SLC25A12: variants seen among roughly 807,000 people sequenced by gnomAD.
SLC25A12 encodes the protein solute carrier family 25 member 12.
SLC25A12 carries 32 observed loss-of-function variants against 83.3 expected under a neutral mutation model. The ratio of observed to expected loss-of-function variants is 0.38; its 90% CI spans 0.29 to 0.52. The LOEUF (loss-of-function observed/expected upper bound fraction) is 0.52. Among genes scored for constraint, SLC25A12 ranks in the 20% least tolerant of loss-of-function variants. SLC25A12 has a pLI of 0.84. For synonymous variants in SLC25A12, 267 were observed against 291.1 expected, an observed-to-expected ratio of 0.92 and a Z score of 0.84; for missense variants, 611 against 835.6, an observed-to-expected ratio of 0.73 and a Z score of 3.31.
intron 4 of SLC25A12, among the ~76,000 whole-genome samples, chr2:171,849,463 T>A (rs141382789): frequency 1.3e-5 from 2 of 152,154 alleles, no homozygotes; most frequent in Non-Finnish European, 2.9e-5. Flanking sequence ...GCTCTACTTC[T>A]TACCAAATTA....
At chr2:171,796,332 C>A (rs959141800) in intron 13 of SLC25A12, among the ~76,000 whole-genome samples, 2 of 152,170 alleles carry the variant, frequency 1.3e-5, no homozygotes, top group Non-Finnish European at 2.9e-5. Context: ...ATCCCAACAA[C>A]GCACAGGACA....
intron 2 of SLC25A12, among the ~76,000 whole-genome samples, chr2:171,872,190 T>G (rs180784446): frequency 1.3e-5 from 2 of 152,264 alleles, no homozygotes; most frequent in Admixed American, 1.3e-4. Context: ...GGCCTCTAGA[T>G]ATTTCACACA....
intron 8 of SLC25A12, among the ~76,000 whole-genome samples, chr2:171,833,032 T>C (rs539628570): frequency 2.6e-5 from 4 of 152,312 alleles, no homozygotes; most frequent in African/African-American, 9.6e-5. Flanking sequence ...CCATTGTTAA[T>C]AATTATACTT....
intron 9 of SLC25A12, among the ~76,000 whole-genome samples, chr2:171,823,451 T>C (rs1684234112): frequency 2.6e-5 from 4 of 152,216 alleles, no homozygotes; most frequent in African/African-American, 9.6e-5. Flanking sequence ...GATTTCACAA[T>C]GGCCATTAGT....
At chr2:171,865,299 G>T (rs1408355847) in intron 3 of SLC25A12, among the ~76,000 whole-genome samples, 1 of 152,006 alleles carries the variant, frequency 6.6e-6, no homozygotes, top group Admixed American at 6.6e-5. Flanking sequence ...CTTGATAATC[G>T]CAGTAAATAA....
intron 4 of SLC25A12, among the ~76,000 whole-genome samples, chr2:171,847,610 A>G (rs772850798): frequency 6.6e-5 from 10 of 152,272 alleles, no homozygotes; most frequent in South Asian, 4.1e-4. Context: ...TAAGAATGCT[A>G]TTTCTGTAGC....
At chr2:171,877,602 T>C (rs1250058870) in intron 2 of SLC25A12, among the ~76,000 whole-genome samples, 1 of 149,352 alleles carries the variant, frequency 6.7e-6, no homozygotes, top group African/African-American at 2.5e-5. Flanking sequence ...GAGGCGGAGG[T>C]TGCAGTAAGC....
rs370973358 is a variant in SLC25A12, at chr2:171,787,650, G to T, written c.1756C>A (p.Arg586=). ...FWKGTAARVF[R]SSPQFGVTLV... ...GTAACACCAAACTGGGGAGAGGATC[G>T]AAACACTCGAGCTGAAAAAGAGAAG... The change falls in exon 17 of 18, where the codon CGA becomes AGA. Residue 586 remains arginine, a synonymous_variant. Transcript: ENST00000422440. The T allele has an allele frequency of 1.1e-4, 178 of 1,614,032 alleles. 1 individual carries two copies. The African/African-American group carries it at 1.4e-3, about 13-fold the overall frequency.
chr2:171,789,958 C>T (rs1014700326), intron 15 of SLC25A12, among the ~76,000 whole-genome samples: 2 of 152,064 alleles, frequency 1.3e-5, no homozygotes, highest in African/African-American at 4.8e-5. Context: ...CAGCTCACTG[C>T]CAAGACTGAG....
Position 171,785,264 on chromosome 2 carries a change from AG to A in SLC25A12, c.*9del. 1 of 1,613,898 alleles carries A rather than the reference AG, an allele frequency of 6.2e-7. No individual in the cohort carries two copies. The highest frequency in any genetic ancestry group is 8.5e-7 in the Non-Finnish European group (1 of 1,179,888). On this transcript the variant is annotated 3_prime_UTR_variant, in exon 18 of 18. Coordinates refer to ENST00000422440, the MANE Select transcript of SLC25A12 (RefSeq NM_003705.5). Reference sequence around the variant, plus strand: ...AAGGCGCCATTTTGCCACACTCAACAGTTGTCTCATCACTGAGTGGCTGCCA... The same window carrying A: ...AAGGCGCCATTTTGCCACACTCAACATTGTCTCATCACTGAGTGGCTGCCA...
intron 2 of SLC25A12, among the ~76,000 whole-genome samples, chr2:171,887,551 C>T (rs1235065602): frequency 1.3e-5 from 2 of 152,156 alleles, no homozygotes; most frequent in Non-Finnish European, 2.9e-5. Flanking sequence ...ACAAAATTAA[C>T]TCTTCATTTA....
At chr2:171,811,544 G>C (rs750813358) in intron 11 of SLC25A12, among the ~76,000 whole-genome samples, 6 of 152,166 alleles carry the variant, frequency 3.9e-5, no homozygotes, top group Non-Finnish European at 7.3e-5. Flanking sequence ...TAGCTAATCT[G>C]TCAACAATTT....
intron 8 of SLC25A12, among the ~76,000 whole-genome samples, chr2:171,827,116 T>C (rs988785184): frequency 3.3e-5 from 5 of 152,158 alleles, no homozygotes; most frequent in African/African-American, 1.2e-4. Flanking sequence ...AAGACTCCAG[T>C]GATAGATATT....
intron 2 of SLC25A12, among the ~76,000 whole-genome samples, chr2:171,890,477 C>CTG (rs34728188): frequency 0.075 from 11,205 of 149,256 alleles, 443 homozygotes; most frequent in Non-Finnish European, 0.084. Flanking sequence ...TCGTGTGTGT[C>CTG]TGTGTGTGTG....
intron 13 of SLC25A12, among the ~76,000 whole-genome samples, chr2:171,794,259 G>A (rs1342915783): frequency 6.6e-6 from 1 of 152,162 alleles, no homozygotes; most frequent in African/African-American, 2.4e-5. Context: ...GGATTGTAGA[G>A]CAATTAAAAC....
chr2:171,824,811 C>CT lies in SLC25A12; in HGVS notation c.930+1986dup, dbSNP rs1200084715. ...CCTCCTAATGGAAATAAACTTTTTT[C>CT]TTTTTTTTTTTAAGACAGAGTCTCA... is the stretch of plus-strand genomic sequence containing the variant. On this transcript the variant is annotated intron_variant, in intron 9 of 17. Transcript: ENST00000422440. 1.3e-3 allele frequency among the ~76,000 whole-genome samples: 186 copies of CT among 145,312 alleles called. 3 individuals are homozygous for CT. The highest frequency in any genetic ancestry group is 1.3e-3 in the South Asian group (6 of 4,590).
At chr2:171,821,071 C>A (rs1308637774) in intron 9 of SLC25A12, among the ~76,000 whole-genome samples, 1 of 134,026 alleles carries the variant, frequency 7.5e-6, no homozygotes, top group Non-Finnish European at 1.5e-5. Context: ...CCTCTGTTGC[C>A]CAGGCTAAAG....
intron 3 of SLC25A12, among the ~76,000 whole-genome samples, 185 bp from the exon 4 acceptor site, chr2:171,856,134 C>T (rs1431517447): frequency 6.6e-6 from 1 of 151,916 alleles, no homozygotes; most frequent in Non-Finnish European, 1.5e-5. Flanking sequence ...TTTTGTAAGC[C>T]CCTAGAAAAT....
At chr2:171,823,517 A>G (rs1684235963) in intron 9 of SLC25A12, among the ~76,000 whole-genome samples, 1 of 152,184 alleles carries the variant, frequency 6.6e-6, no homozygotes, top group Non-Finnish European at 1.5e-5. Context: ...AATTCTAATA[A>G]TTATTTATTA....
Sources: allele counts gnomAD v4.1 joint callset (sites outside exome capture counted in the v4.1 genomes callset), GRCh38; gene constraint gnomAD v4.1.1; transcripts MANE v1.5; gene names NCBI Gene and HGNC (gene_info 2026-07-23, HGNC 2026-07-21).